The following SLC36A1 variants were observed in gnomAD, a reference collection of about 807,000 sequenced individuals.
The protein encoded by SLC36A1 is solute carrier family 36 member 1.
SLC36A1 carries 30 observed loss-of-function variants against 47.5 expected under a neutral mutation model. That is an observed-to-expected ratio of 0.63 (90% CI 0.47 to 0.86). The LOEUF is 0.86. Ranked by LOEUF, SLC36A1 falls within the 40% of genes least tolerant of loss-of-function variation. The pLI, the probability that SLC36A1 is intolerant of heterozygous loss-of-function variation, is 0.00. For missense variants in SLC36A1, 517 were observed against 606.0 expected, an observed-to-expected ratio of 0.85 and a Z score of 1.54; for synonymous variants, 255 against 249.7, an observed-to-expected ratio of 1.02 and a Z score of -0.20.
At chr5:151,454,647 G>A (rs755779903) in intron 1 of SLC36A1, among the ~76,000 whole-genome samples, 3 of 150,290 alleles carry the variant, frequency 2.0e-5, no homozygotes, top group Non-Finnish European at 2.9e-5. Flanking sequence ...GACTCTCCAC[G>A]TACTGATCCT....
intron 8 of SLC36A1, among the ~76,000 whole-genome samples, chr5:151,475,453 T>G (rs1329240634): frequency 1.3e-5 from 2 of 152,224 alleles, no homozygotes; most frequent in African/African-American, 4.8e-5. Flanking sequence ...AGATTGACTC[T>G]TAGTTTTGGA....
downstream of SLC36A1, among the ~76,000 whole-genome samples, chr5:151,496,149 C>T (rs1133854): frequency 0.066 from 10,036 of 152,112 alleles, 384 homozygotes; most frequent in African/African-American, 0.11. Context: ...GTCTTTCCTG[C>T]GCTGTTCTCG....
chr5:151,412,082 C>T, the SLC36A1 span, among the ~76,000 whole-genome samples: 3 of 144,980 alleles, frequency 2.1e-5, 1 homozygote, highest in Non-Finnish European at 4.6e-5. Context: ...TTGCTTTTGT[C>T]TGCAAACATC....
At chr5:151,458,708 T>A in intron 1 of SLC36A1, 80 bp from the exon 2 acceptor site, 1 of 1,484,412 alleles carries the variant, frequency 6.7e-7, no homozygotes, top group Non-Finnish European at 9.1e-7. Context: ...CAATGACAGC[T>A]TCTACCCCAG....
At chr5:151,505,398 G>A in the SLC36A1 span, 2 of 783,906 alleles carry the variant, frequency 2.6e-6, no homozygotes, top group Middle Eastern at 3.3e-4. Context: ...TCCACCCTCA[G>A]GGACTAGGTG....
chr5:151,394,591 C>G, the SLC36A1 span, among the ~76,000 whole-genome samples: 1 of 152,176 alleles, frequency 6.6e-6, no homozygotes, highest in South Asian at 2.1e-4. Context: ...GTGTGGCTGT[C>G]CTTTCTGTTT....
At chr5:151,553,284 T>C in the SLC36A1 span, 3 of 1,614,208 alleles carry the variant, frequency 1.9e-6, no homozygotes, top group South Asian at 2.2e-5. Flanking sequence ...GTAGGTCTCA[T>C]CAAAGGCCAG....
At chr5:151,492,784 A>G (rs528997544), downstream of SLC36A1, among the ~76,000 whole-genome samples, 1 of 152,344 alleles carries the variant, frequency 6.6e-6, no homozygotes, top group East Asian at 1.9e-4. Context: ...CCTTTAAGTA[A>G]AAGAGGTTTT....
the SLC36A1 span, among the ~76,000 whole-genome samples, chr5:151,421,506 T>C: frequency 6.6e-6 from 1 of 151,954 alleles, no homozygotes; most frequent in African/African-American, 2.4e-5. Context: ...CCTCCCAAAG[T>C]GCTGGGAATA....
At chr5:151,455,199 C>A (rs910735408) in intron 1 of SLC36A1, among the ~76,000 whole-genome samples, 4 of 152,154 alleles carry the variant, frequency 2.6e-5, no homozygotes, top group Non-Finnish European at 5.9e-5. Flanking sequence ...CACTTACTAG[C>A]ATGTGGGATG....
At chr5:151,541,433 T>C in the SLC36A1 span, among the ~76,000 whole-genome samples, 1 of 152,372 alleles carries the variant, frequency 6.6e-6, no homozygotes, top group Middle Eastern at 3.4e-3. Context: ...TCTGTTTTTC[T>C]ACAACTCTGT....
chr5:151,512,834 C>T, the SLC36A1 span: 1 of 560,312 alleles, frequency 1.8e-6, no homozygotes, highest in East Asian at 3.0e-5. The surrounding 1 kb of genome is among the most constrained non-coding windows in gnomAD (Gnocchi z 4.1). Flanking sequence ...TAGGGGGTGA[C>T]ATCTCCATTC....
At chr5:151,536,691 T>A in the SLC36A1 span, among the ~76,000 whole-genome samples, 1 of 152,244 alleles carries the variant, frequency 6.6e-6, no homozygotes, top group Non-Finnish European at 1.5e-5. Flanking sequence ...ACCCATCCAC[T>A]GAGCCAGACC....
chr5:151,413,155 G>C, the SLC36A1 span, among the ~76,000 whole-genome samples: 2 of 151,610 alleles, frequency 1.3e-5, no homozygotes, highest in Non-Finnish European at 2.9e-5. Context: ...ATATGTATTT[G>C]TTCAATGAAT....
chr5:151,467,315 A>AC, intron 6 of SLC36A1, 32 bp downstream of exon 6: 1 of 1,400,756 alleles, frequency 7.1e-7, no homozygotes, highest in Non-Finnish European at 9.8e-7. Flanking sequence ...AAAAAAAAAA[A>AC]AAAAACCAGA....
At chr5:151,539,447 A>T in the SLC36A1 span, among the ~76,000 whole-genome samples, 2 of 152,198 alleles carry the variant, frequency 1.3e-5, no homozygotes, top group Non-Finnish European at 2.9e-5. Flanking sequence ...GTGGGTGAGT[A>T]TATGGTTGAT....
upstream of SLC36A1, among the ~76,000 whole-genome samples, chr5:151,445,242 G>A (rs1428689394): frequency 6.6e-6 from 1 of 152,154 alleles, no homozygotes; most frequent in Non-Finnish European, 1.5e-5. Flanking sequence ...AGATAACCAT[G>A]TGGTTTTCAT....
At chr5:151,438,757 C>A (rs1462710131) in intron 1 of SLC36A1, among the ~76,000 whole-genome samples, 1 of 152,204 alleles carries the variant, frequency 6.6e-6, no homozygotes, top group Admixed American at 6.5e-5. Context: ...TCCCAGGCAC[C>A]AGAGACCTGG....
the SLC36A1 span, chr5:151,540,682 T>C: frequency 1.2e-6 from 2 of 1,614,216 alleles, no homozygotes; most frequent in African/African-American, 2.7e-5. Context: ...GGCTGTATGC[T>C]CGCGGTCCAG....
Sources: gnomAD v4.1 joint callset for allele counts (sites outside exome capture counted in the v4.1 genomes callset) on GRCh38, gnomAD v4.1.1 for gene constraint, Gnocchi (gnomAD v3.1) non-coding constraint, MANE v1.5 for transcripts, NCBI Gene and HGNC (gene_info 2026-07-23, HGNC 2026-07-21) for gene names.